The following RPS6KA2 variants were observed in gnomAD, a reference collection of about 807,000 sequenced individuals.
RPS6KA2 encodes the protein ribosomal protein S6 kinase alpha-2.
A neutral mutation model predicts 91.8 loss-of-function variants in RPS6KA2; 42 were observed. That is an observed-to-expected ratio of 0.46 (90% CI 0.36 to 0.59). The LOEUF (loss-of-function observed/expected upper bound fraction) is 0.59. Among genes scored for constraint, RPS6KA2 ranks in the 20% least tolerant of loss-of-function variants. The pLI is 0.00. For synonymous variants in RPS6KA2, 414 were observed against 393.6 expected (o/e 1.05, Z -0.61); for missense variants, 798 against 978.5 (o/e 0.82, Z 2.46).
Position 166,493,551 on chromosome 6 carries a change from C to T in RPS6KA2, c.748-2810G>A, listed in dbSNP as rs759027349. ...GGTTCCCACAGTCAAGTACACGCAC[C>T]GGGGGAGGGAGGGCACTCCAAAGGA... On this transcript the variant is annotated intron_variant, in intron 8 of 20. Coordinates refer to ENST00000265678, the MANE Select transcript of RPS6KA2 (RefSeq NM_021135.6). This position sits in a 1 kb window ranked among gnomAD's most constrained non-coding sequence, Gnocchi z 4.7. 3.9e-5 allele frequency among the ~76,000 whole-genome samples: 6 copies of T among 151,986 alleles called. No individual in the cohort carries two copies. The highest frequency in any genetic ancestry group is 1.9e-4 in the East Asian group (1 of 5,182).
intron 2 of RPS6KA2, among the ~76,000 whole-genome samples, chr6:166,643,894 T>A (rs1384429393): frequency 6.6e-6 from 1 of 152,232 alleles, no homozygotes; most frequent in African/African-American, 2.4e-5. Context: ...TATTAGACTG[T>A]AAACCCTGTG....
At chr6:166,525,360 G>A (rs577265893) in intron 3 of RPS6KA2, among the ~76,000 whole-genome samples, 4 of 152,258 alleles carry the variant, frequency 2.6e-5, no homozygotes, top group East Asian at 1.9e-4. Context: ...GTACTGGGGC[G>A]ACAGGCAGCA....
intron 2 of RPS6KA2, among the ~76,000 whole-genome samples, chr6:166,709,207 G>A (rs1228682767): frequency 1.1e-4 from 16 of 152,182 alleles, no homozygotes; most frequent in Admixed American, 9.2e-4. Context: ...ACAAGATAAC[G>A]GATGTGGGGT....
At chr6:166,743,221 A>G (rs915617551) in intron 2 of RPS6KA2, among the ~76,000 whole-genome samples, 2 of 152,218 alleles carry the variant, frequency 1.3e-5, no homozygotes, top group Admixed American at 1.3e-4. Flanking sequence ...CACAAAGGAA[A>G]CTTCACAGCT....
At chr6:166,746,274 T>C (rs1483637387) in intron 2 of RPS6KA2, among the ~76,000 whole-genome samples, 4 of 152,232 alleles carry the variant, frequency 2.6e-5, no homozygotes, top group African/African-American at 9.6e-5. Flanking sequence ...GTCATGTGAC[T>C]GGATCCAAAC....
rs372514604 is a variant in RPS6KA2 at position 166,433,841 on chromosome 6, A to T, written c.1333-1351T>A. On this transcript the variant is annotated intron_variant, in intron 14 of 20. Transcript: ENST00000265678. This position sits in a 1 kb window ranked among gnomAD's most constrained non-coding sequence, Gnocchi z 4.4. Reference sequence around the variant, plus strand: ...ACAAGCATAGTTCACTGCAACATCAAACCCCTGGGCTCAAGTGATCCTCCT... The same window carrying T: ...ACAAGCATAGTTCACTGCAACATCATACCCCTGGGCTCAAGTGATCCTCCT... Among the ~76,000 whole-genome samples the T allele has an allele frequency of 6.6e-6, 1 of 152,136 alleles. No homozygotes were observed. Among genetic ancestry groups the T allele is most frequent in the African/African-American group, 2.4e-5 (1 of 41,424 alleles).
intron 10 of RPS6KA2, chr6:166,475,967 C>T (rs956019696): frequency 1.2e-4 from 46 of 389,376 alleles, no homozygotes; most frequent in Non-Finnish European, 2.3e-4. Flanking sequence ...TCAACTCCCC[C>T]AAATTTGTAT....
intron 2 of RPS6KA2, among the ~76,000 whole-genome samples, chr6:166,535,229 T>C (rs938671444): frequency 3.9e-5 from 6 of 152,210 alleles, no homozygotes; most frequent in African/African-American, 1.4e-4. Flanking sequence ...GATGTCACTC[T>C]GAACTGCCTC....
At position 166,419,199 on chromosome 6, in the gene RPS6KA2, GTTC is replaced by G. The variant is rs1365280908; in HGVS notation, c.1820+680_1820+682del. 6.6e-6 allele frequency among the ~76,000 whole-genome samples: 1 copy of G among 152,214 alleles called. No homozygotes were observed. Among genetic ancestry groups the G allele is most frequent in the Non-Finnish European group, 1.5e-5 (1 of 68,028 alleles). On this transcript the variant is annotated intron_variant, in intron 18 of 20. Coordinates refer to ENST00000265678, the MANE Select transcript of RPS6KA2 (RefSeq NM_021135.6). The surrounding 1 kb of genome is among the most constrained non-coding windows in gnomAD (Gnocchi z 5.6). ...AGCAAACAGGATTCGATGGTCTAGG[GTTC>G]TTTTCTTTTTGCCTCCATTCAAGTA...
intron 2 of RPS6KA2, among the ~76,000 whole-genome samples, chr6:166,681,686 G>GGCCCCCCCCCCCCCCCC (rs1788813375): frequency 8.6e-5 from 1 of 11,628 alleles, no homozygotes; most frequent in African/African-American, 4.7e-4. Flanking sequence ...ATCTCCCCCT[G>GGCCCCCCCCCCCCCCCC]CCCGCCCCCC....
In RPS6KA2 at chr6:166,682,368, TA is replaced by T. The variant is rs541949884; in HGVS notation, c.124-143585del. On this transcript the variant is annotated intron_variant, in intron 2 of 21. Transcript: ENST00000503859. The stretch of plus-strand genomic sequence containing the variant: ...TCTGGCTCAGTATCCACGTTTGGCT[TA>T]CATCATAAATCCAGAGCCATGGGGA... Among the ~76,000 whole-genome samples the T allele has an allele frequency of 7.7e-4, 117 of 152,334 alleles. 1 individual carries two copies. The highest frequency in any genetic ancestry group is 2.7e-3 in the African/African-American group (113 of 41,564).
rs60396837 is a variant in RPS6KA2, at chr6:166,852,242, C to T, written c.123+5958G>A. On this transcript the variant is annotated intron_variant, in intron 2 of 21. Coordinates refer to the RPS6KA2 transcript ENST00000503859. This position sits in a 1 kb window ranked among gnomAD's most constrained non-coding sequence, Gnocchi z 4.1. ...CTTATGTAACACCAGCTTTCAGAGACGCCACAGAGACAGATTCACAGGAGG... is the reference window on the plus strand; with the variant it reads ...CTTATGTAACACCAGCTTTCAGAGATGCCACAGAGACAGATTCACAGGAGG... Among the ~76,000 whole-genome samples, 858 of 152,248 alleles carry T rather than the reference C, an allele frequency of 5.6e-3. 9 individuals carry two copies. The highest frequency in any genetic ancestry group is 0.019 in the African/African-American group (805 of 41,542).
chr6:166,539,643 G>A (rs749770924), intron 1 of RPS6KA2, among the ~76,000 whole-genome samples: 1 of 152,218 alleles, frequency 6.6e-6, no homozygotes, highest in South Asian at 2.1e-4. Flanking sequence ...TTCCCTGTAG[G>A]AGAAAGAGTC....
At chr6:166,824,776 C>CGTGTGTGTCTAT (rs752083085) in intron 2 of RPS6KA2, among the ~76,000 whole-genome samples, 91 of 18,982 alleles carry the variant, frequency 4.8e-3, no homozygotes, top group Middle Eastern at 0.062. Flanking sequence ...TGTGTGTCTA[C>CGTGTGTGTCTAT]GTGTGTGTCT....
intron 2 of RPS6KA2, among the ~76,000 whole-genome samples, chr6:166,727,668 A>T (rs879566948): frequency 6.6e-6 from 1 of 152,028 alleles, no homozygotes; most frequent in Non-Finnish European, 1.5e-5. Context: ...CAGCGCCCTA[A>T]AGCACCAGCA....
chr6:166,422,494 G>A (rs1472092383), intron 17 of RPS6KA2, among the ~76,000 whole-genome samples: 2 of 152,108 alleles, frequency 1.3e-5, no homozygotes, highest in South Asian at 2.1e-4. Flanking sequence ...TCTGAAGTCC[G>A]CCTTCCTTCC....
intron 2 of RPS6KA2, among the ~76,000 whole-genome samples, chr6:166,709,766 C>T (rs928087928): frequency 1.3e-5 from 2 of 152,180 alleles, no homozygotes; most frequent in Non-Finnish European, 2.9e-5. Flanking sequence ...GCGTAAGTGT[C>T]CCTTCTCGTC....
At chr6:166,549,472 T>C (rs1048167491) in intron 1 of RPS6KA2, among the ~76,000 whole-genome samples, 2 of 152,158 alleles carry the variant, frequency 1.3e-5, no homozygotes, top group African/African-American at 4.8e-5. Flanking sequence ...TATACACAAA[T>C]GCAAAGGAAC....
intron 1 of RPS6KA2, among the ~76,000 whole-genome samples, chr6:166,597,743 A>T (rs1197578642): frequency 6.6e-6 from 1 of 152,180 alleles, no homozygotes; most frequent in Non-Finnish European, 1.5e-5. Context: ...ATTTCATATT[A>T]TTAAACATCA....
Sources: allele counts gnomAD v4.1 joint callset (sites outside exome capture counted in the v4.1 genomes callset), GRCh38; gene constraint gnomAD v4.1.1; non-coding constraint Gnocchi (gnomAD v3.1); transcripts MANE v1.5; gene names NCBI Gene and HGNC (gene_info 2026-07-23, HGNC 2026-07-21).